ATG13: variants seen among roughly 807,000 people sequenced by gnomAD.
ATG13 encodes autophagy related 13, also known as autophagy-related protein 13.
ATG13 carries 23 observed loss-of-function variants against 65.5 expected under a neutral mutation model. That is an observed-to-expected ratio of 0.35 (90% CI 0.25 to 0.50). The LOEUF (loss-of-function observed/expected upper bound fraction) is 0.50. Among genes scored for constraint, ATG13 ranks in the 20% least tolerant of loss-of-function variants. The pLI is 0.98. For missense variants in ATG13, 566 were observed against 677.0 expected (o/e 0.84, Z 1.82); for synonymous variants, 252 against 245.2 (o/e 1.03, Z -0.26).
At chr11:46,657,043 G>A (rs2060189570) in intron 8 of ATG13, 52 bp from the exon 9 acceptor site, 2 of 1,425,016 alleles carry the variant, frequency 1.4e-6, no homozygotes, top group African/African-American at 2.8e-5. Flanking sequence ...CGGTCTGGGG[G>A]CAGTGTCAGT....
intron 7 of ATG13, among the ~76,000 whole-genome samples, chr11:46,652,492 A>T (rs2059126693): frequency 1.3e-5 from 2 of 152,036 alleles, no homozygotes. Context: ...AGGCAGGAGG[A>T]TCACCTGAGG....
rs1348116516 is a variant in ATG13, at chr11:46,664,033, C to T, written c.826C>T (p.Pro276Ser). The change falls in exon 12 of 19, where the codon CCT becomes TCT. Residue 276 changes from proline (P) to serine (S), a missense_variant. Around this residue, in one of 2 missense-constraint regions of ATG13, gnomAD observed 387 missense variants for 409.8 expected, o/e 0.94. Coordinates refer to ENST00000683050, the MANE Select transcript of ATG13 (RefSeq NM_001346311.2). ...TGTCACAAAGGCACATTTTCAGACC[C>T]CTACTCCTGTGGTGACGGACACCCT... The part of the protein sequence containing the change: ...FTVTKAHFQT[P>S]TPVVTDTLRV... 1.3e-6 allele frequency: 2 copies of T among 1,597,742 alleles called. No individual in the cohort carries two copies. The highest frequency in any genetic ancestry group is 2.2e-5 in the East Asian group (1 of 44,842).
At chr11:46,623,954 A>T (rs1190821315) in intron 1 of ATG13, among the ~76,000 whole-genome samples, 1 of 148,790 alleles carries the variant, frequency 6.7e-6, no homozygotes, top group Non-Finnish European at 1.5e-5. Context: ...CAGAGATGTT[A>T]CTTATATCTC....
intron 11 of ATG13, 38 bp from the exon 12 acceptor site, chr11:46,663,959 T>TTTTTTTTTTTTTC (rs1379817615): frequency 4.1e-6 from 5 of 1,232,416 alleles, no homozygotes; most frequent in South Asian, 3.1e-5. Context: ...TTTTTTTTTT[T>TTTTTTTTTTTTTC]TTTTGTTTCT....
rs139556855 is a variant in ATG13 at position 46,670,055 on chromosome 11, A to C, written c.1575+523A>C. Among the ~76,000 whole-genome samples the C allele has an allele frequency of 6.0e-3, 915 of 152,304 alleles. 9 individuals are homozygous for C. The highest frequency in any genetic ancestry group is 9.2e-3 in the Non-Finnish European group (628 of 68,018). On this transcript the variant is annotated intron_variant, in intron 18 of 18. Coordinates refer to ENST00000683050, the MANE Select transcript of ATG13 (RefSeq NM_001346311.2). ...TGAGGGGCAGAAGAGTGCCCCGCACAAGCCACAAACTGGGTGCCCCATGCC... is the reference window on the plus strand; with the variant it reads ...TGAGGGGCAGAAGAGTGCCCCGCACCAGCCACAAACTGGGTGCCCCATGCC...
chr11:46,657,389 T>C (rs1374360326), intron 9 of ATG13, 135 bp from the exon 10 acceptor site: 2 of 1,001,866 alleles, frequency 2.0e-6, no homozygotes, highest in Admixed American at 2.1e-5. Flanking sequence ...GATTGGTGGT[T>C]TATATTTAGG....
chr11:46,657,880 T>G (rs1490696720), intron 10 of ATG13, among the ~76,000 whole-genome samples: 1 of 152,048 alleles, frequency 6.6e-6, no homozygotes, highest in Non-Finnish European at 1.5e-5. Flanking sequence ...GTGATAAGAC[T>G]TTTCTTGGTG....
In ATG13 at chr11:46,667,759, C is replaced by T. The variant is rs767354702; in HGVS notation, c.1137-14C>T. 5 of 1,580,094 alleles carry T rather than the reference C, an allele frequency of 3.2e-6. No individual in the cohort carries two copies. The highest frequency in any genetic ancestry group is 4.3e-6 in the Non-Finnish European group (5 of 1,151,514). On this transcript the variant is annotated splice_polypyrimidine_tract_variant and intron_variant, in intron 14 of 18. Coordinates refer to ENST00000683050, the MANE Select transcript of ATG13 (RefSeq NM_001346311.2). ...GGTTTGAGAACGAGTACTAACTTCA[C>T]CTTTCTCCTCCAGTGAGGATACTGA...
intron 9 of ATG13, 87 bp downstream of exon 9, chr11:46,657,278 T>A: frequency 1.6e-6 from 2 of 1,283,724 alleles, no homozygotes; most frequent in Non-Finnish European, 2.2e-6. Context: ...AACCTACAAT[T>A]CAGCTTTGCT....
At chr11:46,669,648 T>C in intron 18 of ATG13, 116 bp downstream of exon 18, 4 of 1,265,308 alleles carry the variant, frequency 3.2e-6, no homozygotes, top group African/African-American at 1.5e-5. Context: ...GAGACATAAT[T>C]AGAAAATTAT....
At chr11:46,665,896 C>G (rs1217932225) in intron 14 of ATG13, among the ~76,000 whole-genome samples, 1 of 149,536 alleles carries the variant, frequency 6.7e-6, no homozygotes, top group African/African-American at 2.5e-5. Flanking sequence ...CCTCCACCTC[C>G]TGAGTTCAAG....
At chr11:46,665,767 G>A (rs1239060276) in intron 14 of ATG13, among the ~76,000 whole-genome samples, 1 of 145,908 alleles carries the variant, frequency 6.9e-6, no homozygotes, top group African/African-American at 2.5e-5. Context: ...AATATAGTGA[G>A]ACTCTGTCTC....
intron 18 of ATG13, among the ~76,000 whole-genome samples, chr11:46,669,997 A>G (rs2063324069): frequency 1.3e-5 from 2 of 152,058 alleles, no homozygotes; most frequent in Admixed American, 6.6e-5. Flanking sequence ...TAATGACCCC[A>G]TCTCTGCTTA....
rs1399931322 is a variant in ATG13, at chr11:46,664,921, G to A, written c.961G>A (p.Val321Met). The A allele has an allele frequency of 1.2e-6, 2 of 1,614,014 alleles. No homozygotes were observed. Among genetic ancestry groups the A allele is most frequent in the Non-Finnish European group, 1.7e-6 (2 of 1,179,896 alleles). ...VGSADLAYPV[V>M]FAAGLNATHP... Reference sequence around the variant, plus strand: ...ATCAGCTGACCTGGCTTATCCAGTAGTGTTTGCTGCTGGCTTAAATGCTAC... The same window carrying A: ...ATCAGCTGACCTGGCTTATCCAGTAATGTTTGCTGCTGGCTTAAATGCTAC... The change falls in exon 13 of 19, where the codon GTG becomes ATG. Residue 321 changes from valine (V) to methionine (M), a missense_variant. Val to Met is a conservative substitution (Grantham distance 21, BLOSUM62 1). This residue lies in a region of ATG13 where 387 missense variants were observed against 409.8 expected (regional missense o/e 0.94). Transcript: ENST00000683050.
At chr11:46,646,099 T>TA in intron 5 of ATG13, 110 bp downstream of exon 5, 1 of 1,407,458 alleles carries the variant, frequency 7.1e-7, no homozygotes, top group South Asian at 1.4e-5. Flanking sequence ...CTGATATTCT[T>TA]ATCATTCTCT....
chr11:46,643,582 A>G (rs1451362029), intron 2 of ATG13, among the ~76,000 whole-genome samples: 1 of 149,172 alleles, frequency 6.7e-6, no homozygotes, highest in Non-Finnish European at 1.5e-5. Flanking sequence ...TTTCTCTCAA[A>G]TCATCTCAAA....
chr11:46,650,709 G>A (rs2058717939), intron 7 of ATG13, among the ~76,000 whole-genome samples: 1 of 152,152 alleles, frequency 6.6e-6, no homozygotes, highest in African/African-American at 2.4e-5. Context: ...GGGTTCAAGT[G>A]ATTCTCCTGC....
intron 1 of ATG13, among the ~76,000 whole-genome samples, chr11:46,627,056 A>G (rs957455529): frequency 1.3e-5 from 2 of 152,144 alleles, no homozygotes; most frequent in Non-Finnish European, 2.9e-5. Flanking sequence ...CCTGGCCAAC[A>G]TGGCAAAACC....
At chr11:46,633,003 A>ATATAT (rs1555065599) in intron 2 of ATG13, among the ~76,000 whole-genome samples, 11 of 89,144 alleles carry the variant, frequency 1.2e-4, no homozygotes, top group African/African-American at 4.6e-4. Flanking sequence ...ATTAAAAAAA[A>ATATAT]ATATATATAT....
Sources: allele counts gnomAD v4.1 joint callset (sites outside exome capture counted in the v4.1 genomes callset), GRCh38; gene constraint gnomAD v4.1.1; regional missense constraint gnomAD v4.1.1; transcripts MANE v1.5; gene names NCBI Gene and HGNC (gene_info 2026-07-23, HGNC 2026-07-21).